Variants in RGS17 observed in about 807,000 individuals in gnomAD.
RGS17 encodes the protein regulator of G-protein signaling 17.
A neutral mutation model predicts 25.5 loss-of-function variants in RGS17; 12 were observed. The observed-to-expected ratio is 0.47, with a 90% confidence interval of 0.30 to 0.76. RGS17 has a LOEUF of 0.76. Among genes scored for constraint, RGS17 ranks in the 30% least tolerant of loss-of-function variants. RGS17 has a pLI of 0.07. For missense variants in RGS17, 196 were observed against 242.2 expected (o/e 0.81, Z 1.27); for synonymous variants, 71 against 76.9 (o/e 0.92, Z 0.40).
chr6:153,099,203 T>C (rs1177472567), intron 1 of RGS17, among the ~76,000 whole-genome samples: 2 of 152,242 alleles, frequency 1.3e-5, no homozygotes, highest in East Asian at 3.8e-4. Context: ...ACTCTGCACA[T>C]ACTTTTAAAA....
At chr6:153,013,565 G>A (rs1341434031) in intron 4 of RGS17, among the ~76,000 whole-genome samples, 2 of 152,342 alleles carry the variant, frequency 1.3e-5, no homozygotes, top group East Asian at 1.9e-4. Context: ...AAGGCATGTC[G>A]AAAGCTGAGA....
At chr6:153,105,393 G>A (rs1337553645) in intron 1 of RGS17, among the ~76,000 whole-genome samples, 6 of 152,026 alleles carry the variant, frequency 3.9e-5, no homozygotes, top group Non-Finnish European at 5.9e-5. Context: ...TTAGAAAAGC[G>A]CCTACCGCAT....
chr6:153,126,632 T>C (rs1777708329), intron 1 of RGS17, among the ~76,000 whole-genome samples: 1 of 152,238 alleles, frequency 6.6e-6, no homozygotes, highest in African/African-American at 2.4e-5. Context: ...GTAATCAGTC[T>C]TATTGGTAGC....
chr6:153,026,873 C>T (rs1779308501), intron 2 of RGS17, among the ~76,000 whole-genome samples: 1 of 151,638 alleles, frequency 6.6e-6, no homozygotes, highest in Non-Finnish European at 1.5e-5. Context: ...TATGTATATA[C>T]ACACACACAC....
At chr6:153,126,763 T>G (rs1394413258) in intron 1 of RGS17, among the ~76,000 whole-genome samples, 1 of 152,142 alleles carries the variant, frequency 6.6e-6, no homozygotes, top group Non-Finnish European at 1.5e-5. Context: ...AAGGAGAAAC[T>G]GCAATAGAGA....
rs559027871 is a variant in RGS17, at chr6:153,011,871, A to G, written c.445-109T>C. 3.2e-5 allele frequency: 24 copies of G among 743,534 alleles called. No homozygotes were observed. The Admixed American group carries it at 5.8e-4, about 18-fold the overall frequency. 46.1% of individuals were successfully genotyped at this position (743,534 alleles called of 1,614,324 possible). On this transcript the variant is annotated intron_variant, in intron 4 of 4. Coordinates refer to ENST00000206262, the MANE Select transcript of RGS17 (RefSeq NM_012419.5). ...AGAGAAACTTTAAAGAGCAAATCCA[A>G]CTACCAAAAGTCTTGGGTTCATCTT... is the stretch of plus-strand genomic sequence containing the variant.
At chr6:153,110,847 C>G (rs1315306088) in intron 1 of RGS17, among the ~76,000 whole-genome samples, 1 of 152,194 alleles carries the variant, frequency 6.6e-6, no homozygotes, top group Non-Finnish European at 1.5e-5. Context: ...GGGGAACTCC[C>G]TCCCCTAGCC....
intron 1 of RGS17, among the ~76,000 whole-genome samples, chr6:153,088,601 T>C (rs866965231): frequency 2.0e-5 from 3 of 152,198 alleles, no homozygotes; most frequent in South Asian, 4.1e-4. Flanking sequence ...ATTATTCTTA[T>C]GTTAGAGTCT....
intron 1 of RGS17, among the ~76,000 whole-genome samples, chr6:153,050,265 T>TA (rs1776444712): frequency 6.6e-6 from 1 of 152,164 alleles, no homozygotes; most frequent in African/African-American, 2.4e-5. Flanking sequence ...AGCTTTTTTT[T>TA]ATATAGTTTA....
At chr6:153,126,526 A>G (rs1350675838) in intron 1 of RGS17, among the ~76,000 whole-genome samples, 1 of 152,220 alleles carries the variant, frequency 6.6e-6, no homozygotes, top group Non-Finnish European at 1.5e-5. Flanking sequence ...ACTCAAACAA[A>G]TAAGAAAAAT....
intron 1 of RGS17, among the ~76,000 whole-genome samples, chr6:153,085,135 T>C (rs1029287434): frequency 9.9e-5 from 15 of 152,214 alleles, no homozygotes; most frequent in African/African-American, 3.6e-4. Flanking sequence ...CTGTTTGTTT[T>C]ACTTATTATA....
intron 1 of RGS17, among the ~76,000 whole-genome samples, chr6:153,052,643 C>T: frequency 1.3e-5 from 2 of 152,102 alleles, no homozygotes; most frequent in Middle Eastern, 6.8e-3. Flanking sequence ...TTAGATAAGA[C>T]TTTGGACTTC....
chr6:153,056,525 C>A lies in RGS17; in HGVS notation c.-25-12482G>T, dbSNP rs575518386. On this transcript the variant is annotated intron_variant, in intron 1 of 4. Coordinates refer to ENST00000206262, the MANE Select transcript of RGS17 (RefSeq NM_012419.5). Reference sequence around the variant, plus strand: ...CCTGTAAGAAGAGCCTCAAGCCAAGCATTCTTGAGTATTTAAGTTACTGGT... The same window carrying A: ...CCTGTAAGAAGAGCCTCAAGCCAAGAATTCTTGAGTATTTAAGTTACTGGT... Among the ~76,000 whole-genome samples, 3 of 151,206 alleles carry A rather than the reference C, an allele frequency of 2.0e-5. No individual in the cohort carries two copies. In the East Asian group the frequency reaches 6.2e-4, roughly 31 times the overall value.
At chr6:153,016,164 G>A (rs1412903258) in intron 4 of RGS17, among the ~76,000 whole-genome samples, 1 of 152,124 alleles carries the variant, frequency 6.6e-6, no homozygotes, top group Non-Finnish European at 1.5e-5. Context: ...TTTATTTTCT[G>A]TTATTACCAC....
At chr6:153,057,123 G>A (rs1273782880) in intron 1 of RGS17, among the ~76,000 whole-genome samples, 2 of 151,776 alleles carry the variant, frequency 1.3e-5, no homozygotes, top group Non-Finnish European at 2.9e-5. Context: ...TGAATGACCT[G>A]CTGCAATGTA....
In RGS17 at chr6:153,004,499, AAGTC is replaced by A. The variant is rs1359650639; in HGVS notation, c.*7071_*7074del. 2.6e-5 allele frequency: 4 copies of A among 152,198 alleles called. No homozygotes were observed. Among genetic ancestry groups the A allele is most frequent in the African/African-American group, 9.6e-5 (4 of 41,460 alleles). The allele number at this position is 152,198 out of a possible 1,614,324, so 9.4% of individuals were successfully genotyped here. A position where few individuals can be genotyped will look rare whatever the true frequency, so the allele number is the denominator to read the frequency against. ...TTTATTAATTCAAAACATTTTAAGA[AAGTC>A]AGTGTAATGCATATGCATTTTACAA... On this transcript the variant is annotated 3_prime_UTR_variant, in exon 5 of 5. Coordinates refer to ENST00000206262, the MANE Select transcript of RGS17 (RefSeq NM_012419.5).
intron 1 of RGS17, among the ~76,000 whole-genome samples, chr6:153,120,243 C>T (rs1324009719): frequency 6.6e-6 from 1 of 152,172 alleles, no homozygotes; most frequent in Admixed American, 6.5e-5. Context: ...TAATCAATGG[C>T]GTGCTAAACA....
intron 2 of RGS17, among the ~76,000 whole-genome samples, chr6:153,036,610 C>T (rs906386981): frequency 2.0e-5 from 3 of 152,164 alleles, no homozygotes; most frequent in Non-Finnish European, 4.4e-5. Flanking sequence ...TTGGATACCT[C>T]AATCAGAGCA....
At chr6:153,091,810 GC>G (rs1777137004) in intron 1 of RGS17, among the ~76,000 whole-genome samples, 1 of 152,142 alleles carries the variant, frequency 6.6e-6, no homozygotes, top group Non-Finnish European at 1.5e-5. Flanking sequence ...ACCATGCCCA[GC>G]CGGCATACTT....
Sources: allele counts gnomAD v4.1 joint callset (sites outside exome capture counted in the v4.1 genomes callset), GRCh38; gene constraint gnomAD v4.1.1; transcripts MANE v1.5; gene names NCBI Gene and HGNC (gene_info 2026-07-23, HGNC 2026-07-21).